CASP14: variants seen among roughly 807,000 people sequenced by gnomAD.
The protein encoded by CASP14 is caspase 14, also known as caspase-14.
CASP14 carries 27 observed loss-of-function variants against 28.4 expected under a neutral mutation model. The ratio of observed to expected loss-of-function variants is 0.95; its 90% confidence interval spans 0.70 to 1.31. CASP14 has a LOEUF of 1.31. Among genes scored for constraint, CASP14 ranks in the 50% most tolerant of loss-of-function variants. The pLI is 0.00. For synonymous variants in CASP14, 115 were observed against 118.6 expected, an observed-to-expected ratio of 0.97 and a Z score of 0.20; for missense variants, 323 against 312.8, an observed-to-expected ratio of 1.03 and a Z score of -0.25.
At position 15,053,540 on chromosome 19, in the gene CASP14, G is replaced by C; in HGVS notation, c.86G>C (p.Arg29Pro). 6.2e-7 allele frequency: 1 copy of C among 1,614,136 alleles called. No homozygotes were observed. Among genetic ancestry groups the C allele is most frequent in the East Asian group, 2.2e-5 (1 of 44,876 alleles). ...CTAATACTGTGTGTCACCAAAGCCC[G>C]GGAAGGTTCCGAAGAAGACCTGGAT... ...LALILCVTKA[R>P]EGSEEDLDAL... Residue 29 changes from arginine (R) to proline (P), a missense_variant, in exon 3 of 7, where the codon CGG becomes CCG. Coordinates refer to ENST00000427043, the MANE Select transcript of CASP14 (RefSeq NM_012114.3).
intron 4 of CASP14, 44 bp from the exon 5 acceptor site, chr19:15,055,114 A>T: frequency 6.6e-7 from 1 of 1,512,580 alleles, no homozygotes; most frequent in Non-Finnish European, 9.2e-7. Context: ...CCCTTTCCTT[A>T]CCTTTCTCTC....
chr19:15,050,194 C>T (rs556287775), intron 1 of CASP14, among the ~76,000 whole-genome samples: 11 of 152,152 alleles, frequency 7.2e-5, no homozygotes, highest in African/African-American at 2.6e-4. Flanking sequence ...GGTCACACAG[C>T]TGGGAAGGGA....
At chr19:15,055,826 A>T (rs2046114370) in intron 6 of CASP14, among the ~76,000 whole-genome samples, 159 bp from the exon 7 acceptor site, 1 of 152,190 alleles carries the variant, frequency 6.6e-6, no homozygotes, top group South Asian at 2.1e-4. Flanking sequence ...ATTATTTAAA[A>T]AATGCCCAGC....
chr19:15,053,819 T>A lies in CASP14; in HGVS notation c.264T>A (p.Ala88=). The change falls in exon 4 of 7, where the codon GCT becomes GCA. Residue 88 remains alanine, a synonymous_variant. Transcript: ENST00000427043. Reference sequence around the variant, plus strand: ...GTTGTGCCTTCGTGGTACTCATGGCTCACGGGAGGGAAGGCTTCCTCAAGG... The same window carrying A: ...GTTGTGCCTTCGTGGTACTCATGGCACACGGGAGGGAAGGCTTCCTCAAGG... The part of the protein sequence containing the change: ...PVSCAFVVLM[A]HGREGFLKGE... The A allele has an allele frequency of 6.2e-7, 1 of 1,614,078 alleles. No homozygotes were observed. Among genetic ancestry groups the A allele is most frequent in the African/African-American group, 1.3e-5 (1 of 75,010 alleles).
chr19:15,055,066 A>G (rs573638046), intron 4 of CASP14, 92 bp from the exon 5 acceptor site: 6 of 941,626 alleles, frequency 6.4e-6, no homozygotes, highest in Middle Eastern at 4.5e-4. Context: ...CAGCCCCCCA[A>G]AACACTGGGA....
At chr19:15,054,433 A>G (rs1271379857) in intron 4 of CASP14, among the ~76,000 whole-genome samples, 1 of 152,168 alleles carries the variant, frequency 6.6e-6, no homozygotes, top group African/African-American at 2.4e-5. Flanking sequence ...ATTAAAGATT[A>G]GCCAAGGGCA....
chr19:15,055,480 C>G lies in CASP14; in HGVS notation c.571C>G (p.Leu191Val), dbSNP rs1185560116. The G allele has an allele frequency of 6.8e-6, 11 of 1,614,132 alleles. No individual in the cohort carries two copies. The highest frequency in any genetic ancestry group is 2.2e-5 in the East Asian group (1 of 44,880). Residue 191 changes from leucine (L) to valine (V), a missense_variant, in exon 6 of 7, where the codon CTG becomes GTG. Transcript: ENST00000427043. Reference sequence around the variant, plus strand: ...GAAAGGCTCATGCTTTATCCAGACCCTGGTGGATGTGTTCACGAAGAGGAA... The same window carrying G: ...GAAAGGCTCATGCTTTATCCAGACCGTGGTGGATGTGTTCACGAAGAGGAA... ...DQKGSCFIQT[L>V]VDVFTKRKGH...
intron 1 of CASP14, among the ~76,000 whole-genome samples, chr19:15,051,056 G>C (rs2046088376): frequency 6.6e-6 from 1 of 152,018 alleles, no homozygotes; most frequent in South Asian, 2.1e-4. Context: ...TGAATTAATG[G>C]ATAGATGGTA....
chr19:15,054,961 G>A (rs2046108995), intron 4 of CASP14, 197 bp from the exon 5 acceptor site: 1 of 545,466 alleles, frequency 1.8e-6, no homozygotes, highest in Non-Finnish European at 3.3e-6. Flanking sequence ...TTTTTAAGAG[G>A]CGACATCTCG....
At chr19:15,049,695 TCTCACACACACACACA>T (rs2046080331) in intron 1 of CASP14, 50 bp downstream of exon 1, 1 of 114,992 alleles carries the variant, frequency 8.7e-6, no homozygotes, top group Non-Finnish European at 1.8e-5. Flanking sequence ...TCTCTCTCTC[TCTCACACACACACACA>T]CACACACACA....
At position 15,055,197 on chromosome 19, in the gene CASP14, T is replaced by G; in HGVS notation, c.443T>G (p.Ile148Ser). ...GGTGAAACAGTAGGTGGAGATGAGA[T>G]TGTGATGGTCATCAAAGACAGCCCA... is the stretch of plus-strand genomic sequence containing the variant. Reference protein sequence around the residue: ...DPGETVGGDEIVMVIKDSPQT... With the variant: ...DPGETVGGDESVMVIKDSPQT... The change falls in exon 5 of 7, where the codon ATT (isoleucine) becomes AGT (serine). Residue 148 changes from isoleucine to serine, a missense_variant. Transcript: ENST00000427043. 6.2e-7 allele frequency: 1 copy of G among 1,614,030 alleles called. No homozygotes were observed.
rs2145284632 is a variant in CASP14 at position 15,056,314 on chromosome 19, C to T, written c.*225C>T. ...CAACATTAACATCACCTCCCTCAGG[C>T]TGGACTTTCTATCTTTATTAATGCA... On this transcript the variant is annotated 3_prime_UTR_variant, in exon 7 of 7. Transcript: ENST00000427043. 2.3e-6 allele frequency: 1 copy of T among 442,128 alleles called. No homozygotes were observed. The highest frequency in any genetic ancestry group is 4.6e-5 in the East Asian group (1 of 21,892). 27.4% of individuals were successfully genotyped at this position (442,128 alleles called of 1,614,324 possible).
chr19:15,057,633 T>C lies in CASP14; in HGVS notation c.*1544T>C, dbSNP rs1318833858. The C allele has an allele frequency of 6.8e-6, 1 of 147,628 alleles. No individual in the cohort carries two copies. Among genetic ancestry groups the C allele is most frequent in the Non-Finnish European group, 1.5e-5 (1 of 67,568 alleles). The allele number at this position is 147,628 out of a possible 1,614,324, so 9.1% of individuals were successfully genotyped here. A position where few individuals can be genotyped will look rare whatever the true frequency, so the allele number is the denominator to read the frequency against. On this transcript the variant is annotated 3_prime_UTR_variant, in exon 7 of 7. Coordinates refer to ENST00000427043, the MANE Select transcript of CASP14 (RefSeq NM_012114.3). ...GGTACTGGACAGTGGCTCACACCTG[T>C]ATTCCCGACTTTGAGAGTCTGAAGC...
At chr19:15,055,594 G>C in intron 6 of CASP14, 61 bp downstream of exon 6, 2 of 1,190,256 alleles carry the variant, frequency 1.7e-6, no homozygotes, top group East Asian at 2.3e-5. Flanking sequence ...AGGCGGAGGG[G>C]GCTGAGCCTC....
chr19:15,050,251 T>C (rs2046083492), intron 1 of CASP14, among the ~76,000 whole-genome samples: 1 of 151,576 alleles, frequency 6.6e-6, no homozygotes, highest in Non-Finnish European at 1.5e-5. Flanking sequence ...TCCTTCCACT[T>C]CCTCCCTCAC....
intron 1 of CASP14, among the ~76,000 whole-genome samples, chr19:15,049,941 C>T (rs2145278187): frequency 6.6e-6 from 1 of 152,224 alleles, no homozygotes; most frequent in South Asian, 2.1e-4. Flanking sequence ...TGAAGTCAGG[C>T]TTTCAGTCCT....
chr19:15,052,976 T>G (rs1254040713), intron 2 of CASP14, among the ~76,000 whole-genome samples: 1 of 152,204 alleles, frequency 6.6e-6, no homozygotes, highest in Admixed American at 6.5e-5. Context: ...CAAATAATTA[T>G]GTAGTATAAG....
chr19:15,053,455 C>T, intron 2 of CASP14, 27 bp from the exon 3 acceptor site: 1 of 1,613,890 alleles, frequency 6.2e-7, no homozygotes, highest in Non-Finnish European at 8.5e-7. Context: ...CCTCTCCATG[C>T]TGATTTCTGT....
chr19:15,053,501 G>A lies in CASP14; in HGVS notation c.47G>A (p.Gly16Asp), dbSNP rs1387279670. The change falls in exon 3 of 7, where the codon GGT (glycine) becomes GAT (aspartate). Residue 16 changes from glycine (G) to aspartate (D), a missense_variant. Transcript: ENST00000427043. ...SLEEEKYDMSGARLALILCVT... is the reference protein window; with the variant it reads ...SLEEEKYDMSDARLALILCVT... ...CCCCAGGAGAAATATGATATGTCAG[G>A]TGCCCGCCTGGCCCTAATACTGTGT... The A allele has an allele frequency of 1.2e-6, 2 of 1,614,060 alleles. No homozygotes were observed. The highest frequency in any genetic ancestry group is 2.2e-5 in the South Asian group (2 of 91,068).
Sources: allele counts gnomAD v4.1 joint callset (sites outside exome capture counted in the v4.1 genomes callset), GRCh38; gene constraint gnomAD v4.1.1; transcripts MANE v1.5; gene names NCBI Gene and HGNC (gene_info 2026-07-23, HGNC 2026-07-21).